Variants in TENM3 observed in about 807,000 individuals in gnomAD.
TENM3 encodes teneurin-3.
A neutral mutation model predicts 255.1 loss-of-function variants in TENM3; 63 were observed. The ratio of observed to expected loss-of-function variants is 0.25; its 90% confidence interval spans 0.20 to 0.30. TENM3 has a LOEUF of 0.30. Among genes scored for constraint, TENM3 ranks in the 10% least tolerant of loss-of-function variants. The pLI is 1.00. For missense variants in TENM3, 2,929 were observed against 3,461.1 expected (o/e 0.85, Z 3.86); for synonymous variants, 1,306 against 1,322.3 (o/e 0.99, Z 0.27).
At chr4:182,725,611 C>T (rs1403005538) in intron 13 of TENM3, among the ~76,000 whole-genome samples, 1 of 147,560 alleles carries the variant, frequency 6.8e-6, no homozygotes, top group Non-Finnish European at 1.5e-5. Flanking sequence ...AACTCAGTTT[C>T]ATTTGATTTT....
At chr4:182,702,399 A>G (rs1757940452) in intron 12 of TENM3, among the ~76,000 whole-genome samples, 2 of 152,150 alleles carry the variant, frequency 1.3e-5, no homozygotes, top group South Asian at 4.1e-4. Flanking sequence ...AAACCAAATC[A>G]TTGCCAATCC....
At chr4:182,752,433 C>T (rs1762440076) in intron 20 of TENM3, among the ~76,000 whole-genome samples, 2 of 152,072 alleles carry the variant, frequency 1.3e-5, no homozygotes, top group Admixed American at 6.6e-5. Flanking sequence ...ACTAAGCAAC[C>T]CTGTGAGCCC....
the TENM3 span, among the ~76,000 whole-genome samples, chr4:181,799,388 T>C: frequency 1.3e-5 from 2 of 152,222 alleles, no homozygotes; most frequent in Non-Finnish European, 2.9e-5. Flanking sequence ...GCTGTCAAAT[T>C]TGCAAAATAG....
At chr4:182,471,935 G>A (rs1461930604) in intron 3 of TENM3, among the ~76,000 whole-genome samples, 1 of 152,010 alleles carries the variant, frequency 6.6e-6, no homozygotes, top group Non-Finnish European at 1.5e-5. Flanking sequence ...TAGTTCTCTG[G>A]ACTCTCCCTC....
chr4:181,880,111 C>T, the TENM3 span, among the ~76,000 whole-genome samples: 3 of 152,050 alleles, frequency 2.0e-5, no homozygotes, highest in South Asian at 2.1e-4. Context: ...ATAATTGAAA[C>T]GTTGTTAAAC....
At chr4:182,273,889 G>T (rs921576108) in intron 1 of TENM3, among the ~76,000 whole-genome samples, 8 of 152,336 alleles carry the variant, frequency 5.3e-5, no homozygotes, top group African/African-American at 1.7e-4. Flanking sequence ...GTATTCTAAA[G>T]ATTAAAGCAT....
At chr4:181,520,551 CA>C in the TENM3 span, among the ~76,000 whole-genome samples, 1 of 151,640 alleles carries the variant, frequency 6.6e-6, no homozygotes, top group Non-Finnish European at 1.5e-5. Context: ...ATAAAACAAA[CA>C]AAAAAACCTC....
intron 1 of TENM3, among the ~76,000 whole-genome samples, chr4:182,315,107 A>G (rs1400589928): frequency 6.6e-6 from 1 of 152,172 alleles, no homozygotes; most frequent in African/African-American, 2.4e-5. Context: ...TATTTTACTT[A>G]CACATGTTAT....
the TENM3 span, among the ~76,000 whole-genome samples, chr4:181,990,295 T>A: frequency 4.1e-4 from 62 of 152,294 alleles, no homozygotes; most frequent in African/African-American, 1.3e-3. Context: ...TGGAAATGTC[T>A]CTTCTTCTGA....
chr4:182,059,760 A>G, the TENM3 span, among the ~76,000 whole-genome samples: 3 of 130,748 alleles, frequency 2.3e-5, no homozygotes, highest in Non-Finnish European at 4.5e-5. Context: ...AAAAAAAAAA[A>G]AAGAAAAAAA....
At chr4:181,464,135 A>T in the TENM3 span, among the ~76,000 whole-genome samples, 5 of 152,210 alleles carry the variant, frequency 3.3e-5, no homozygotes, top group Admixed American at 2.6e-4. Context: ...TTTTGTGTGG[A>T]CACATGTTTT....
At chr4:181,945,035 A>G in the TENM3 span, among the ~76,000 whole-genome samples, 1 of 152,038 alleles carries the variant, frequency 6.6e-6, no homozygotes, top group Non-Finnish European at 1.5e-5. Context: ...TTTCACATCT[A>G]TTTGCCCACC....
At chr4:182,652,173 T>C (rs1207518658) in intron 5 of TENM3, among the ~76,000 whole-genome samples, 1 of 152,220 alleles carries the variant, frequency 6.6e-6, no homozygotes, top group East Asian at 1.9e-4. Flanking sequence ...TGAGACCTAC[T>C]AGGTATCAGG....
intron 4 of TENM3, among the ~76,000 whole-genome samples, chr4:182,618,098 T>C (rs1453660023): frequency 1.3e-5 from 2 of 152,216 alleles, no homozygotes; most frequent in Non-Finnish European, 2.9e-5. Context: ...CTATTTTCTA[T>C]GAAGATAACT....
chr4:182,515,496 G>A (rs1261934930), intron 3 of TENM3, among the ~76,000 whole-genome samples: 5 of 152,076 alleles, frequency 3.3e-5, no homozygotes, highest in Non-Finnish European at 7.4e-5. Context: ...AATAACTGTA[G>A]CCCTAGATTA....
the TENM3 span, among the ~76,000 whole-genome samples, chr4:181,970,245 A>G: frequency 2.0e-5 from 3 of 152,354 alleles, no homozygotes; most frequent in East Asian, 3.9e-4. Context: ...AGTAATTGCT[A>G]TACGTGAAAT....
the TENM3 span, among the ~76,000 whole-genome samples, chr4:181,982,587 T>C: frequency 6.6e-6 from 1 of 152,104 alleles, no homozygotes; most frequent in Non-Finnish European, 1.5e-5. Context: ...GCAGCAGTAA[T>C]TTACTAAATT....
intron 3 of TENM3, among the ~76,000 whole-genome samples, chr4:182,551,117 G>A (rs59296717): frequency 0.18 from 27,985 of 151,572 alleles, 3,334 homozygotes; most frequent in African/African-American, 0.33. Flanking sequence ...AGCTACTCAG[G>A]AGACTGAGGC....
the TENM3 span, among the ~76,000 whole-genome samples, chr4:182,107,794 A>C: frequency 1.3e-5 from 2 of 152,178 alleles, no homozygotes; most frequent in African/African-American, 4.8e-5. Flanking sequence ...ATGATGCTTA[A>C]CTTCAAGAGG....
Sources: allele counts gnomAD v4.1 joint callset (sites outside exome capture counted in the v4.1 genomes callset), GRCh38; gene constraint gnomAD v4.1.1; transcripts MANE v1.5; gene names NCBI Gene and HGNC (gene_info 2026-07-23, HGNC 2026-07-21).